The following RGS7 variants were observed in gnomAD, a reference collection of about 807,000 sequenced individuals.
RGS7 encodes the protein regulator of G-protein signaling 7.
RGS7 carries 27 observed loss-of-function variants against 81.1 expected under a neutral mutation model. The observed-to-expected ratio is 0.33, with a 90% CI of 0.25 to 0.46. RGS7 has a LOEUF of 0.46. RGS7 is among the 20% of genes least tolerant of loss of function. RGS7 has a pLI of 1.00. For synonymous variants in RGS7, 208 were observed against 207.7 expected (o/e 1.00, Z -0.01); for missense variants, 396 against 607.4 (o/e 0.65, Z 3.66).
At chr1:241,224,537 C>T (rs965601762) in intron 2 of RGS7, among the ~76,000 whole-genome samples, 1 of 151,996 alleles carries the variant, frequency 6.6e-6, no homozygotes, top group Non-Finnish European at 1.5e-5. Flanking sequence ...CAAGCCATTT[C>T]GCAGGATATG....
intron 9 of RGS7, among the ~76,000 whole-genome samples, chr1:240,834,039 A>T (rs1168886720): frequency 6.6e-6 from 1 of 152,126 alleles, no homozygotes; most frequent in Non-Finnish European, 1.5e-5. Context: ...CTCCCATCTC[A>T]GCCTCCTAAA....
intron 3 of RGS7, among the ~76,000 whole-genome samples, chr1:241,070,405 C>T (rs1014312937): frequency 2.7e-5 from 4 of 150,936 alleles, no homozygotes; most frequent in Non-Finnish European, 5.9e-5. Flanking sequence ...TTTTCACTTT[C>T]GTAAGGTGGG....
intron 3 of RGS7, among the ~76,000 whole-genome samples, chr1:240,989,384 T>C (rs1686130264): frequency 6.6e-6 from 1 of 151,374 alleles, no homozygotes; most frequent in African/African-American, 2.4e-5. Flanking sequence ...TGCAGTAAAC[T>C]GAGATGGCGC....
rs778017157 is a variant in RGS7 at position 241,106,752 on chromosome 1, C to CCACACACACACACA, written c.79-8004_79-7991dup. ...AAAAAAAAAAAAACCAACACCACCA[C>CCACACACACACACA]CACACACACACACACACACACACAC... On this transcript the variant is annotated intron_variant, in intron 2 of 18. Coordinates refer to ENST00000440928, the MANE Select transcript of RGS7 (RefSeq NM_001364886.1). Among the ~76,000 whole-genome samples, 772 of 121,628 alleles carry CCACACACACACACA rather than the reference C, an allele frequency of 6.3e-3. 8 individuals carry two copies. Among genetic ancestry groups the CCACACACACACACA allele is most frequent in the African/African-American group, 0.02 (613 of 30,336 alleles). 79.8% of individuals were successfully genotyped at this position (121,628 alleles called of 152,430 possible).
intron 3 of RGS7, among the ~76,000 whole-genome samples, chr1:241,082,076 T>C (rs2063166457): frequency 6.6e-6 from 1 of 152,226 alleles, no homozygotes; most frequent in South Asian, 2.1e-4. Flanking sequence ...CTTTATGGAA[T>C]AGAGTTATTC....
chr1:241,047,218 C>T (rs2060980535), intron 3 of RGS7, among the ~76,000 whole-genome samples: 2 of 152,164 alleles, frequency 1.3e-5, no homozygotes. Flanking sequence ...TGAAGCACAG[C>T]CCAGTGACTA....
intron 3 of RGS7, among the ~76,000 whole-genome samples, chr1:241,076,174 T>C (rs1474037457): frequency 6.6e-6 from 1 of 152,106 alleles, no homozygotes. Context: ...ACGTGGCTTA[T>C]TCTCTTTGAT....
chr1:240,977,859 C>G (rs911721788), intron 4 of RGS7, among the ~76,000 whole-genome samples: 2 of 152,202 alleles, frequency 1.3e-5, no homozygotes, highest in African/African-American at 4.8e-5. Context: ...TCTCTCCCCG[C>G]AGTGGAGGGC....
intron 2 of RGS7, among the ~76,000 whole-genome samples, chr1:241,137,880 G>A (rs1383530028): frequency 6.6e-6 from 1 of 152,154 alleles, no homozygotes; most frequent in Non-Finnish European, 1.5e-5. Flanking sequence ...AAAGAAATTA[G>A]GGAATAATGG....
intron 6 of RGS7, among the ~76,000 whole-genome samples, chr1:240,881,069 AT>A (rs1666276121): frequency 6.6e-6 from 1 of 152,170 alleles, no homozygotes; most frequent in Non-Finnish European, 1.5e-5. Context: ...TGATTTTTGG[AT>A]TTAAAAAAAC....
At chr1:240,908,680 T>C (rs1429397563) in intron 6 of RGS7, among the ~76,000 whole-genome samples, 1 of 152,136 alleles carries the variant, frequency 6.6e-6, no homozygotes. Flanking sequence ...TGACCAGAAT[T>C]ATTATCCTCT....
At chr1:240,968,549 T>A (rs1282691891) in intron 4 of RGS7, among the ~76,000 whole-genome samples, 3 of 148,816 alleles carry the variant, frequency 2.0e-5, no homozygotes, top group Non-Finnish European at 1.5e-5. Context: ...ACTGCAAAAT[T>A]AAAAAAAAAA....
chr1:241,225,093 A>G (rs2341688), intron 2 of RGS7, among the ~76,000 whole-genome samples: 19,537 of 152,102 alleles, frequency 0.13, 1,490 homozygotes, highest in East Asian at 0.2. Flanking sequence ...CAGTATACCC[A>G]TCTCCCAAAT....
chr1:241,318,184 A>G (rs1312727778), intron 2 of RGS7, among the ~76,000 whole-genome samples: 1 of 152,214 alleles, frequency 6.6e-6, no homozygotes, highest in East Asian at 1.9e-4. Flanking sequence ...TAGACAAAAG[A>G]TTAAAATTGT....
chr1:241,025,102 G>C (rs1324331201), intron 3 of RGS7, among the ~76,000 whole-genome samples: 4 of 152,290 alleles, frequency 2.6e-5, no homozygotes, highest in East Asian at 3.9e-4. Context: ...CCTTGGTAGA[G>C]AGACAAATTT....
At chr1:240,930,222 CTTTTTTT>C (rs10676730) in intron 6 of RGS7, among the ~76,000 whole-genome samples, 18 of 113,874 alleles carry the variant, frequency 1.6e-4, no homozygotes, top group African/African-American at 6.2e-4. Context: ...TCTTTTTTAG[CTTTTTTT>C]TTTTTTTTTT....
At chr1:241,016,284 C>A (rs1055202905) in intron 3 of RGS7, among the ~76,000 whole-genome samples, 1 of 152,074 alleles carries the variant, frequency 6.6e-6, no homozygotes, top group African/African-American at 2.4e-5. Flanking sequence ...CTTTGGGAGG[C>A]CAAGGTGGTC....
chr1:241,095,144 G>T (rs906881771), intron 3 of RGS7, among the ~76,000 whole-genome samples: 11 of 152,130 alleles, frequency 7.2e-5, no homozygotes, highest in African/African-American at 1.4e-4. Context: ...GGTGGCCACT[G>T]ATCCCAGAGC....
intron 2 of RGS7, among the ~76,000 whole-genome samples, chr1:241,338,514 T>TA (rs1357556382): frequency 2.0e-5 from 3 of 152,134 alleles, no homozygotes; most frequent in Non-Finnish European, 2.9e-5. Flanking sequence ...TCAAATATTT[T>TA]AAAAAAATGT....
Sources: allele counts gnomAD v4.1 joint callset (sites outside exome capture counted in the v4.1 genomes callset), GRCh38; gene constraint gnomAD v4.1.1; transcripts MANE v1.5; gene names NCBI Gene and HGNC (gene_info 2026-07-23, HGNC 2026-07-21).